Variants in OTOF observed in about 807,000 individuals in gnomAD.
OTOF encodes the protein fer-1-like family member 2.
In OTOF, 218 loss-of-function variants were observed where a neutral mutation model predicts 236.8. The ratio of observed to expected loss-of-function variants is 0.92; its 90% CI spans 0.82 to 1.03. The LOEUF (loss-of-function observed/expected upper bound fraction) is 1.03, where lower values mean the gene tolerates loss of function less well. OTOF is among the 50% of genes least tolerant of loss of function. The pLI is 0.00. For synonymous variants in OTOF, 1,041 were observed against 1,072.5 expected (o/e 0.97, Z 0.57); for missense variants, 2,590 against 2,694.4 (o/e 0.96, Z 0.86).
rs1256577752 is a variant in OTOF at position 26,457,694 on chromosome 2, C to T, written c.*544G>A. 3.3e-6 allele frequency: 1 copy of T among 301,608 alleles called. No individual in the cohort carries two copies. Among genetic ancestry groups the T allele is most frequent in the East Asian group, 6.7e-5 (1 of 15,006 alleles). The allele number at this position is 301,608 out of a possible 1,614,324, so 18.7% of individuals were successfully genotyped here. A position where few individuals can be genotyped will look rare whatever the true frequency, so the allele number is the denominator to read the frequency against. On this transcript the variant is annotated 3_prime_UTR_variant, in exon 47 of 47. Transcript: ENST00000272371. This position sits in a 1 kb window ranked among gnomAD's most constrained non-coding sequence, Gnocchi z 4.4. ...TGGTTAATTTCACTAAAGCTTCAAT[C>T]CTGTACTTGGAAGACCTGGGGAGGG...
chr2:26,552,387 A>G (rs377558383), intron 1 of OTOF, among the ~76,000 whole-genome samples: 1 of 152,134 alleles, frequency 6.6e-6, no homozygotes, highest in African/African-American at 2.4e-5. Context: ...AAAGAAAAAA[A>G]TGAGACCCAG....
In OTOF at chr2:26,466,005, A is replaced by G. The variant is rs764485972; in HGVS notation, c.4572T>C (p.Thr1524=). ...DPYIAIRLGK[T]DIRDKENYIS... ...TGTAGTTCTCCTTGTCGCGGATGTC[A>G]GTCTTGCCTAGCCGGATGGCGATGT... Residue 1524 remains threonine (T), a synonymous_variant, in exon 37 of 47, where the codon ACT becomes ACC. Coordinates refer to ENST00000272371, the MANE Select transcript of OTOF (RefSeq NM_194248.3). 2 of 1,614,110 alleles carry G rather than the reference A, an allele frequency of 1.2e-6. No individual in the cohort carries two copies. Among genetic ancestry groups the G allele is most frequent in the Admixed American group, 3.3e-5 (2 of 60,016 alleles).
Position 26,489,280 on chromosome 2 carries a change from T to G in OTOF, c.976A>C (p.Asn326His). The G allele has an allele frequency of 6.2e-7, 1 of 1,612,648 alleles. No individual in the cohort carries two copies. The highest frequency in any genetic ancestry group is 1.7e-5 in the Admixed American group (1 of 59,990). ...IIKISVIHSK[N>H]LLRSGTLVGS... ...ACCAGGGTGCCACTGCGCAGCAGGTTCTTGGAGTGAATCACCTTTCAGGCA... is the reference window on the plus strand; with the variant it reads ...ACCAGGGTGCCACTGCGCAGCAGGTGCTTGGAGTGAATCACCTTTCAGGCA... The change falls in exon 11 of 47, where the codon AAC becomes CAC. Residue 326 changes from asparagine to histidine, a missense_variant. Around this residue, in one of 2 missense-constraint regions of OTOF, gnomAD observed 1,379 missense variants for 1,341.6 expected, o/e 1.03. Transcript: ENST00000272371.
intron 3 of OTOF, among the ~76,000 whole-genome samples, chr2:26,522,423 A>T (rs1438387835): frequency 1.3e-5 from 2 of 152,166 alleles, no homozygotes; most frequent in Non-Finnish European, 2.9e-5. Flanking sequence ...TCTTCTATAG[A>T]TATTCTTTGG....
chr2:26,472,498 G>A, intron 30 of OTOF, 21 bp downstream of exon 30: 1 of 1,613,232 alleles, frequency 6.2e-7, no homozygotes, highest in Non-Finnish European at 8.5e-7. Context: ...GCCAGCAGGG[G>A]GCTGACCCCA....
In OTOF at chr2:26,470,971, C is replaced by A. The variant is rs1250742493; in HGVS notation, c.3894+150G>T. On this transcript the variant is annotated intron_variant, in intron 31 of 46. Coordinates refer to ENST00000272371, the MANE Select transcript of OTOF (RefSeq NM_194248.3). The surrounding 1 kb of genome is among the most constrained non-coding windows in gnomAD (Gnocchi z 4.3). ...CACCGAGTCCTGCACTCACCCAGCTCTTTTCCACTGCATCTTAGGGGAGGT... is the reference window on the plus strand; with the variant it reads ...CACCGAGTCCTGCACTCACCCAGCTATTTTCCACTGCATCTTAGGGGAGGT... 8.6e-7 allele frequency: 1 copy of A among 1,166,842 alleles called. No individual in the cohort carries two copies. Among genetic ancestry groups the A allele is most frequent in the South Asian group, 1.3e-5 (1 of 77,246 alleles). The allele number at this position is 1,166,842 out of a possible 1,614,324, so 72.3% of individuals were successfully genotyped here.
intron 5 of OTOF, among the ~76,000 whole-genome samples, chr2:26,506,940 C>A (rs7594482): frequency 0.6 from 90,969 of 152,042 alleles, 27,654 homozygotes; most frequent in East Asian, 0.88. Flanking sequence ...CAGTGAGCCA[C>A]GATCGCACCA....
chr2:26,527,214 C>T (rs570141042), intron 3 of OTOF, among the ~76,000 whole-genome samples: 21 of 152,356 alleles, frequency 1.4e-4, no homozygotes, highest in African/African-American at 4.6e-4. Context: ...ACAATCGACG[C>T]TTAGTAAACA....
chr2:26,554,341 T>C (rs914461465), intron 1 of OTOF, among the ~76,000 whole-genome samples: 5 of 151,932 alleles, frequency 3.3e-5, no homozygotes, highest in Non-Finnish European at 2.9e-5. Context: ...GAGCTCACAG[T>C]TGGGGAAATG....
intron 46 of OTOF, among the ~76,000 whole-genome samples, 193 bp from the exon 47 acceptor site, chr2:26,458,413 C>A (rs964909350): frequency 1.3e-5 from 2 of 152,242 alleles, no homozygotes; most frequent in African/African-American, 4.8e-5. Flanking sequence ...ATCCTCCCTG[C>A]AGCACCTTTG....
At position 26,484,584 on chromosome 2, in the gene OTOF, G is replaced by T; in HGVS notation, c.1095C>A (p.Ile365=). The change falls in exon 12 of 47, where the codon ATC becomes ATA. Residue 365 remains isoleucine, a synonymous_variant. Coordinates refer to ENST00000272371, the MANE Select transcript of OTOF (RefSeq NM_194248.3). ...TCACGTAGCCCTTCAGCCCCGAGGA[G>T]ATGTCATCGGGGTCAGACAGGATGG... The part of the protein sequence containing the change: ...KWAILSDPDD[I]SSGLKGYVKC... The T allele has an allele frequency of 6.2e-7, 1 of 1,613,794 alleles. No individual in the cohort carries two copies. The highest frequency in any genetic ancestry group is 8.5e-7 in the Non-Finnish European group (1 of 1,179,866).
chr2:26,476,869 T>C, intron 22 of OTOF, 22 bp downstream of exon 22: 4 of 1,602,364 alleles, frequency 2.5e-6, no homozygotes, highest in Non-Finnish European at 3.4e-6. Context: ...CAGGCCCCCA[T>C]CCATCCTGCC....
chr2:26,552,605 T>C (rs1349465622), intron 1 of OTOF, among the ~76,000 whole-genome samples: 1 of 152,180 alleles, frequency 6.6e-6, no homozygotes, highest in Non-Finnish European at 1.5e-5. Flanking sequence ...AGCAGAAGTC[T>C]GGGGAATTTT....
chr2:26,472,224 G>C lies in OTOF; in HGVS notation c.3864+295C>G, dbSNP rs1002708238. ...ATGCACATATGCACACCACACATAC[G>C]CATGCACGCACAAATGCACATACAT... On this transcript the variant is annotated intron_variant, in intron 30 of 46. Coordinates refer to ENST00000272371, the MANE Select transcript of OTOF (RefSeq NM_194248.3). 15 of 449,268 alleles carry C rather than the reference G, an allele frequency of 3.3e-5. No homozygotes were observed. The Admixed American group carries it at 4.9e-4, about 15-fold the overall frequency. 27.8% of individuals were successfully genotyped at this position (449,268 alleles called of 1,614,324 possible). A position where few individuals can be genotyped will look rare whatever the true frequency, so the allele number is the denominator to read the frequency against.
Position 26,460,418 on chromosome 2 carries a change from C to T in OTOF, c.5814-213G>A, listed in dbSNP as rs1286172139. 2.0e-5 allele frequency among the ~76,000 whole-genome samples: 3 copies of T among 152,306 alleles called. No individual in the cohort carries two copies. The highest frequency in any genetic ancestry group is 6.5e-5 in the Admixed American group (1 of 15,296). ...GGAAGGGAAGAGCATAGTTTCTCTC[C>T]GCTAGATGGGGCCTTTCCCAGGGAA... is the stretch of plus-strand genomic sequence containing the variant. On this transcript the variant is annotated intron_variant, in intron 45 of 46. Transcript: ENST00000272371. The surrounding 1 kb of genome is among the most constrained non-coding windows in gnomAD (Gnocchi z 5.3).
At chr2:26,481,060 T>C (rs750811969) in intron 14 of OTOF, 51 bp from the exon 15 acceptor site, 5 of 1,424,036 alleles carry the variant, frequency 3.5e-6, no homozygotes, top group Non-Finnish European at 4.9e-6. Flanking sequence ...CCAGTTTCCC[T>C]GGGGAAGAGG....
At position 26,474,587 on chromosome 2, in the gene OTOF, G is replaced by A. The variant is rs1665165030; in HGVS notation, c.3214C>T (p.Gln1072Ter). 6.2e-7 allele frequency: 1 copy of A among 1,613,302 alleles called. No individual in the cohort carries two copies. Among genetic ancestry groups the A allele is most frequent in the East Asian group, 2.2e-5 (1 of 44,886 alleles). Residue 1072 changes from glutamine (Q) to a stop codon, truncating the protein, a stop_gained, in exon 26 of 47, where the codon CAG becomes TAG. Coordinates refer to ENST00000272371, the MANE Select transcript of OTOF (RefSeq NM_194248.3). LOFTEE classifies it high-confidence loss of function. ...EAYCPPRFPP[Q>*]LEYYQIYRGN... ...CGGTAGATCTGGTAGTACTCGAGCTGAGGTGGGAAGCGGGGTGGGCAGTAC... is the reference window on the plus strand; with the variant it reads ...CGGTAGATCTGGTAGTACTCGAGCTAAGGTGGGAAGCGGGGTGGGCAGTAC...
chr2:26,460,445 G>T lies in OTOF; in HGVS notation c.5813+202C>A, dbSNP rs1443293717. 2.6e-5 allele frequency among the ~76,000 whole-genome samples: 4 copies of T among 152,224 alleles called. No homozygotes were observed. The highest frequency in any genetic ancestry group is 4.4e-5 in the Non-Finnish European group (3 of 68,032). The stretch of plus-strand genomic sequence containing the variant: ...CTAGATGGGGCCTTTCCCAGGGAAG[G>T]TCCTGCTCTCCAGTATTCCTAGCCC... On this transcript the variant is annotated intron_variant, in intron 45 of 46. Transcript: ENST00000272371. This position sits in a 1 kb window ranked among gnomAD's most constrained non-coding sequence, Gnocchi z 5.3.
intron 5 of OTOF, among the ~76,000 whole-genome samples, chr2:26,513,003 T>A (rs1666427419): frequency 6.6e-6 from 1 of 152,040 alleles, no homozygotes; most frequent in Non-Finnish European, 1.5e-5. Flanking sequence ...ACCGGGGGCA[T>A]TGTGCAAAAA....
Sources: gnomAD v4.1 joint callset for allele counts (sites outside exome capture counted in the v4.1 genomes callset) on GRCh38, gnomAD v4.1.1 for gene constraint, gnomAD v4.1.1 regional missense constraint, Gnocchi (gnomAD v3.1) non-coding constraint, MANE v1.5 for transcripts, NCBI Gene and HGNC (gene_info 2026-07-23, HGNC 2026-07-21) for gene names.